Variants in RNF103 observed in about 807,000 individuals in gnomAD.
RNF103 encodes the protein ring finger protein 103, also known as E3 ubiquitin-protein ligase RNF103.
A neutral mutation model predicts 66.2 loss-of-function variants in RNF103; 23 were observed. The ratio of observed to expected loss-of-function variants is 0.35; its 90% CI spans 0.25 to 0.49. RNF103 has a LOEUF of 0.49. Ranked by LOEUF, RNF103 falls within the 20% of genes least tolerant of loss-of-function variation. The pLI, the probability that RNF103 is intolerant of heterozygous loss-of-function variation, is 0.98. For synonymous variants in RNF103, 297 were observed against 289.9 expected, an observed-to-expected ratio of 1.02 and a Z score of -0.25; for missense variants, 730 against 814.7, an observed-to-expected ratio of 0.90 and a Z score of 1.27.
intron 3 of RNF103, among the ~76,000 whole-genome samples, chr2:86,609,408 A>G (rs1390379473): frequency 7.0e-6 from 1 of 142,698 alleles, no homozygotes; most frequent in Non-Finnish European, 1.5e-5. Flanking sequence ...TTTTTGAGAC[A>G]GAGTCTCGCT....
rs1679283977 is a variant in RNF103 at position 86,622,841 on chromosome 2, A to G, written c.46T>C (p.Phe16Leu). The G allele has an allele frequency of 6.2e-7, 1 of 1,613,814 alleles. No individual in the cohort carries two copies. Among genetic ancestry groups the G allele is most frequent in the South Asian group, 1.1e-5 (1 of 91,074 alleles). The change falls in exon 1 of 4, where the codon TTC (phenylalanine) becomes CTC (leucine). Residue 16 changes from phenylalanine (F) to leucine (L), a missense_variant. Physicochemically the swap from Phe to Leu is conservative, Grantham distance 22. Coordinates refer to ENST00000237455, the MANE Select transcript of RNF103 (RefSeq NM_005667.4). ...GCCTCAAAAAACCTGGCCAGGACGAACAGGACCAGGAAATAGAGGAGCAAG... is the reference window on the plus strand; with the variant it reads ...GCCTCAAAAAACCTGGCCAGGACGAGCAGGACCAGGAAATAGAGGAGCAAG... ...FFLLLYFLVL[F>L]VLARFFEAIV... is the part of the protein sequence containing the mutation.
Position 86,604,122 on chromosome 2 carries a change from C to T in RNF103, c.1779G>A (p.Arg593=), listed in dbSNP as rs749912048. The T allele has an allele frequency of 1.1e-5, 18 of 1,613,224 alleles. No homozygotes were observed. The highest frequency in any genetic ancestry group is 1.5e-5 in the Non-Finnish European group (18 of 1,180,034). Residue 593 remains arginine (R), a synonymous_variant, in exon 4 of 4, where the codon AGG becomes AGA. Coordinates refer to ENST00000237455, the MANE Select transcript of RNF103 (RefSeq NM_005667.4). The part of the protein sequence containing the change: ...CQTSPCERKG[R]SYGSYNTNED... ...CATTAGTGTTATATGATCCATATGA[C>T]CTCCCCTTCCTTTCACATGGGCTGG...
At position 86,623,480 on chromosome 2, in the gene RNF103, G is replaced by T. The variant is rs1180680134; in HGVS notation, c.-594C>A. 3.1e-6 allele frequency: 3 copies of T among 982,398 alleles called. No homozygotes were observed. The African/African-American group carries it at 5.3e-5, about 17-fold the overall frequency. 60.9% of individuals were successfully genotyped at this position (982,398 alleles called of 1,614,324 possible). On this transcript the variant is annotated 5_prime_UTR_variant, in exon 1 of 4. Transcript: ENST00000237455. Reference sequence around the variant, plus strand: ...GGGGAGGAGCGGCCGCCGCAACGCCGCGCCCGAAGCCCAGGCCCCAGGCCC... The same window carrying T: ...GGGGAGGAGCGGCCGCCGCAACGCCTCGCCCGAAGCCCAGGCCCCAGGCCC...
At chr2:86,617,852 G>T in intron 2 of RNF103, 1 of 1,092,898 alleles carries the variant, frequency 9.1e-7, no homozygotes, top group Non-Finnish European at 1.1e-6. Context: ...TGGCTTAGCT[G>T]GCTAGTTCAC....
chr2:86,611,375 T>C (rs1329823100), intron 3 of RNF103, among the ~76,000 whole-genome samples: 1 of 151,980 alleles, frequency 6.6e-6, no homozygotes, highest in African/African-American at 2.4e-5. Flanking sequence ...AGAAGAGAAG[T>C]AAATGTAAGG....
rs1214550078 is a variant in RNF103, at chr2:86,620,320, C to T, written c.366+10G>A. ...CTCTCGAATTATCAAATTATTACTG[C>T]TTTTCATACCTGAACCAGCCAGATG... On this transcript the variant is annotated intron_variant, in intron 2 of 3. Transcript: ENST00000237455. 3 of 1,581,732 alleles carry T rather than the reference C, an allele frequency of 1.9e-6. 1 individual carries two copies. Among genetic ancestry groups the T allele is most frequent in the South Asian group, 2.3e-5 (2 of 88,184 alleles).
rs1320498144 is a variant in RNF103 at position 86,605,280 on chromosome 2, A to G, written c.621T>C (p.Thr207=). The G allele has an allele frequency of 4.3e-6, 7 of 1,614,170 alleles. No individual in the cohort carries two copies. Among genetic ancestry groups the G allele is most frequent in the Non-Finnish European group, 5.9e-6 (7 of 1,180,024 alleles). Residue 207 remains threonine (T), a synonymous_variant, in exon 4 of 4, where the codon ACT becomes ACC. Transcript: ENST00000237455. ...TTTTGATCCGAGAAGCTGCATGAGC[A>G]GTTATCCATTTAAAAATGTGCTCTA... is the stretch of plus-strand genomic sequence containing the variant. ...IEVEHIFKWI[T]AHAASRIKTI... is the part of the protein sequence containing the mutation.
intron 2 of RNF103, 198 bp from the exon 3 acceptor site, chr2:86,612,472 ACG>A: frequency 2.0e-6 from 1 of 491,048 alleles, no homozygotes; most frequent in South Asian, 2.7e-5. Flanking sequence ...AAACACTGAA[ACG>A]TAAATTAAAC....
Position 86,605,356 on chromosome 2 carries a change from G to A in RNF103, c.545C>T (p.Thr182Ile). The change falls in exon 4 of 4, where the codon ACT (threonine) becomes ATT (isoleucine). Residue 182 changes from threonine (T) to isoleucine (I), a missense_variant. By Grantham distance (89) the Thr-to-Ile change is moderately conservative. Around this residue, in one of 3 missense-constraint regions of RNF103, gnomAD observed 327 missense variants for 369.8 expected, o/e 0.88. Transcript: ENST00000237455. ...TTTAAGCATGACTTTCCCTTTTGAA[G>A]TACTTGTTTGTGGAACAGACATAAT... Reference protein sequence around the residue: ...TLIMSVPQTSTSKGKVMLKEY... With the variant: ...TLIMSVPQTSISKGKVMLKEY... 1 of 1,614,122 alleles carries A rather than the reference G, an allele frequency of 6.2e-7. No individual in the cohort carries two copies. The highest frequency in any genetic ancestry group is 8.5e-7 in the Non-Finnish European group (1 of 1,180,014).
intron 2 of RNF103, 87 bp downstream of exon 2, chr2:86,620,243 G>T: frequency 7.2e-7 from 1 of 1,388,608 alleles, no homozygotes; most frequent in Non-Finnish European, 9.5e-7. Flanking sequence ...CAAGGACACG[G>T]AAGTGTCACT....
At chr2:86,608,716 C>T (rs1573355684) in intron 3 of RNF103, among the ~76,000 whole-genome samples, 1 of 151,962 alleles carries the variant, frequency 6.6e-6, no homozygotes, top group East Asian at 1.9e-4. Flanking sequence ...ATTTCCATGT[C>T]CTCTATCTTC....
chr2:86,617,513 A>G, intron 2 of RNF103: 2 of 492,480 alleles, frequency 4.1e-6, no homozygotes, highest in Non-Finnish European at 5.3e-6. Flanking sequence ...AAACTTTATC[A>G]CAGGTATGTA....
rs61760873 is a variant in RNF103 at position 86,604,332 on chromosome 2, C to A, written c.1569G>T (p.Gln523His). 5.7e-4 allele frequency: 913 copies of A among 1,614,242 alleles called. 2 individuals are homozygous for A. Among genetic ancestry groups the A allele is most frequent in the Middle Eastern group, 2.8e-3 (17 of 6,062 alleles). ...PMWRFKCLGV[Q>H]SEEEMSEGSQ... ...ACCCCTCCGACATTTCCTCTTCAGA[C>A]TGGACTCCAAGACATTTAAATCGCC... is the stretch of plus-strand genomic sequence containing the variant. The change falls in exon 4 of 4, where the codon CAG (glutamine) becomes CAT (histidine). Residue 523 changes from glutamine (Q) to histidine (H), a missense_variant. This residue lies in a region of RNF103 where 355 missense variants were observed against 351.9 expected (regional missense o/e 1.01). Transcript: ENST00000237455.
In RNF103 at chr2:86,623,045, C is replaced by G. The variant is rs959702010; in HGVS notation, c.-159G>C. On this transcript the variant is annotated 5_prime_UTR_variant, in exon 1 of 4. Coordinates refer to ENST00000237455, the MANE Select transcript of RNF103 (RefSeq NM_005667.4). ...TGGCCGGCCATCCCCGGCGGGGAAG[C>G]AGGTGACGGGATCCGCGCGGGCGCG... The G allele has an allele frequency of 2.3e-5, 31 of 1,342,578 alleles. No individual in the cohort carries two copies. In the Admixed American group the frequency reaches 5.9e-4, roughly 26 times the overall value. The allele number at this position is 1,342,578 out of a possible 1,614,324, so 83.2% of individuals were successfully genotyped here.
intron 2 of RNF103, chr2:86,617,525 G>A (rs184028647): frequency 1.5e-4 from 79 of 542,208 alleles, no homozygotes; most frequent in Non-Finnish European, 1.5e-4. Context: ...AGGTATGTAT[G>A]TATAGGAAAA....
chr2:86,611,245 A>G (rs1164199107), intron 3 of RNF103, among the ~76,000 whole-genome samples: 1 of 152,076 alleles, frequency 6.6e-6, no homozygotes, highest in Non-Finnish European at 1.5e-5. Context: ...TTGCAGGTAG[A>G]TAAGGAGACT....
Position 86,623,141 on chromosome 2 carries a change from A to G in RNF103, c.-255T>C. 13 of 1,166,084 alleles carry G rather than the reference A, an allele frequency of 1.1e-5. No individual in the cohort carries two copies. Among genetic ancestry groups the G allele is most frequent in the Non-Finnish European group, 1.4e-5 (13 of 947,618 alleles). The allele number at this position is 1,166,084 out of a possible 1,614,324, so 72.2% of individuals were successfully genotyped here. A position where few individuals can be genotyped will look rare whatever the true frequency, so the allele number is the denominator to read the frequency against. ...TCCCAGTCAAGAGCCGACAAAAATAAAGGGGAAAAACTCAAAACCCCCATC... is the reference window on the plus strand; with the variant it reads ...TCCCAGTCAAGAGCCGACAAAAATAGAGGGGAAAAACTCAAAACCCCCATC... On this transcript the variant is annotated 5_prime_UTR_variant, in exon 1 of 4. Coordinates refer to ENST00000237455, the MANE Select transcript of RNF103 (RefSeq NM_005667.4).
At position 86,604,128 on chromosome 2, in the gene RNF103, C is replaced by T; in HGVS notation, c.1773G>A (p.Lys591=). The change falls in exon 4 of 4, where the codon AAG becomes AAA. Residue 591 remains lysine, a synonymous_variant. Coordinates refer to ENST00000237455, the MANE Select transcript of RNF103 (RefSeq NM_005667.4). ...TGTTATATGATCCATATGACCTCCC[C>T]TTCCTTTCACATGGGCTGGTCTGAC... is the stretch of plus-strand genomic sequence containing the variant. ...KYCQTSPCER[K]GRSYGSYNTN... is the part of the protein sequence containing the mutation. 1 of 1,613,354 alleles carries T rather than the reference C, an allele frequency of 6.2e-7. No individual in the cohort carries two copies. Among genetic ancestry groups the T allele is most frequent in the Non-Finnish European group, 8.5e-7 (1 of 1,180,042 alleles).
intron 1 of RNF103, 104 bp downstream of exon 1, chr2:86,622,557 G>C (rs1679271150): frequency 8.8e-7 from 1 of 1,130,240 alleles, no homozygotes; most frequent in African/African-American, 1.5e-5. Context: ...CAGCTTTAAC[G>C]CTTCCAGGAA....
Sources: allele counts gnomAD v4.1 joint callset (sites outside exome capture counted in the v4.1 genomes callset), GRCh38; gene constraint gnomAD v4.1.1; regional missense constraint gnomAD v4.1.1; transcripts MANE v1.5; gene names NCBI Gene and HGNC (gene_info 2026-07-23, HGNC 2026-07-21).